The following WBP1L variants were observed in gnomAD, a reference collection of about 807,000 sequenced individuals.
The protein encoded by WBP1L is WW domain binding protein 1 like, also known as WW domain binding protein 1-like.
Under a neutral mutation model 33.7 loss-of-function variants are expected in WBP1L, and 17 were observed. The observed-to-expected ratio is 0.50, with a 90% CI of 0.34 to 0.76. WBP1L has a LOEUF of 0.76. Ranked by LOEUF, WBP1L falls within the 30% of genes least tolerant of loss-of-function variation. The pLI is 0.01. For synonymous variants in WBP1L, 173 were observed against 190.8 expected, an observed-to-expected ratio of 0.91 and a Z score of 0.77; for missense variants, 389 against 469.4, an observed-to-expected ratio of 0.83 and a Z score of 1.58.
intron 1 of WBP1L, among the ~76,000 whole-genome samples, chr10:102,759,506 T>C (rs186650711): frequency 6.6e-6 from 1 of 152,356 alleles, no homozygotes; most frequent in African/African-American, 2.4e-5. Flanking sequence ...TCTCTTGCCT[T>C]GGCACCTGGG....
At chr10:102,812,465 G>C (rs1165400521) in intron 3 of WBP1L, 130 bp from the exon 4 acceptor site, 6 of 1,125,476 alleles carry the variant, frequency 5.3e-6, no homozygotes, top group Non-Finnish European at 7.4e-6. Flanking sequence ...TCACAACCAA[G>C]AGCTGTAGCC....
intron 1 of WBP1L, among the ~76,000 whole-genome samples, chr10:102,759,603 C>T (rs1418709329): frequency 6.6e-6 from 1 of 152,072 alleles, no homozygotes; most frequent in African/African-American, 2.4e-5. Flanking sequence ...GAGCTGTTTC[C>T]AGTTTGGGAC....
At chr10:102,808,261 C>T (rs2790914) in intron 2 of WBP1L, among the ~76,000 whole-genome samples, 38,119 of 152,022 alleles carry the variant, frequency 0.25, 4,929 homozygotes, top group Admixed American at 0.29. Flanking sequence ...ATTTCTTATT[C>T]TGTCATTTAA....
In WBP1L at chr10:102,776,454, G is replaced by A. The variant is rs200864766; in HGVS notation, c.91-21539G>A. 29 of 1,613,820 alleles carry A rather than the reference G, an allele frequency of 1.8e-5. No homozygotes were observed. The African/African-American group carries it at 3.7e-4, about 21-fold the overall frequency. ...TGCACGGATCGGGTTTGGAAGGGAA[G>A]AAGGGGTGGGAGCTTGTTTATTGTA... On this transcript the variant is annotated intron_variant, in intron 1 of 3. Transcript: ENST00000448841.
In WBP1L at chr10:102,814,876, CA is replaced by C. The variant is rs1220689691; in HGVS notation, c.*1548del. 3.3e-5 allele frequency: 5 copies of C among 152,558 alleles called. No homozygotes were observed. Among genetic ancestry groups the C allele is most frequent in the African/African-American group, 1.2e-4 (5 of 41,506 alleles). 9.5% of individuals were successfully genotyped at this position (152,558 alleles called of 1,614,324 possible). Reference sequence around the variant, plus strand: ...TGATGTTATGGAAGAAAGAAAGAAACAAACAAAATATATATATATATGTCCA... The same window carrying C: ...TGATGTTATGGAAGAAAGAAAGAAACAACAAAATATATATATATATGTCCA... On this transcript the variant is annotated 3_prime_UTR_variant, in exon 4 of 4. Transcript: ENST00000448841.
chr10:102,795,369 C>T (rs772530993), intron 1 of WBP1L, among the ~76,000 whole-genome samples: 4 of 152,160 alleles, frequency 2.6e-5, no homozygotes, highest in Admixed American at 6.5e-5. Context: ...GAGAAACTTC[C>T]GTACTGTGTT....
chr10:102,751,897 G>T (rs140931470), intron 1 of WBP1L, among the ~76,000 whole-genome samples: 144 of 152,236 alleles, frequency 9.5e-4, no homozygotes, highest in Non-Finnish European at 9.7e-4. Flanking sequence ...AAAGCTCTTG[G>T]AATATATTCA....
rs1325671026 is a variant in WBP1L at position 102,814,279 on chromosome 10, G to GCTCTCTGC, written c.*958_*965dup. The GCTCTCTGC allele has an allele frequency of 1.1e-4, 17 of 152,504 alleles. No homozygotes were observed. Among genetic ancestry groups the GCTCTCTGC allele is most frequent in the African/African-American group, 4.1e-4 (17 of 41,552 alleles). The allele number at this position is 152,504 out of a possible 1,614,324, so 9.4% of individuals were successfully genotyped here. ...AGCCGCAGCAGTGGATAGAGGTGCA[G>GCTCTCTGC]CTCTCTGCCTCTCTGCCCTTTGGTC... On this transcript the variant is annotated 3_prime_UTR_variant, in exon 4 of 4. Coordinates refer to ENST00000448841, the MANE Select transcript of WBP1L (RefSeq NM_001083913.2).
intron 1 of WBP1L, among the ~76,000 whole-genome samples, chr10:102,765,092 C>T (rs761379880): frequency 3.3e-5 from 5 of 152,182 alleles, no homozygotes; most frequent in African/African-American, 7.2e-5. Context: ...ATGAGACACA[C>T]GGAGGCTTTG....
At chr10:102,811,919 G>A (rs912168688) in intron 3 of WBP1L, among the ~76,000 whole-genome samples, 2 of 152,172 alleles carry the variant, frequency 1.3e-5, no homozygotes, top group Admixed American at 1.3e-4. Context: ...AATTATCTGT[G>A]TCATAAGGCA....
chr10:102,754,922 C>T (rs1842958053), intron 1 of WBP1L, among the ~76,000 whole-genome samples: 1 of 151,320 alleles, frequency 6.6e-6, no homozygotes, highest in African/African-American at 2.4e-5. Context: ...GAGATGGAAT[C>T]TTGGTCTGTC....
At chr10:102,784,265 A>G (rs1843378390) in intron 1 of WBP1L, among the ~76,000 whole-genome samples, 1 of 152,140 alleles carries the variant, frequency 6.6e-6, no homozygotes, top group Non-Finnish European at 1.5e-5. Context: ...GCAGCAGCCC[A>G]TATTTCAAGC....
intron 1 of WBP1L, among the ~76,000 whole-genome samples, chr10:102,784,179 A>G (rs912640046): frequency 2.6e-5 from 4 of 152,156 alleles, no homozygotes; most frequent in African/African-American, 9.7e-5. Context: ...ACTACCCCCC[A>G]GGAGGAGAGG....
At chr10:102,766,457 A>AG (rs1361565238) in intron 1 of WBP1L, among the ~76,000 whole-genome samples, 1 of 150,230 alleles carries the variant, frequency 6.7e-6, no homozygotes, top group Non-Finnish European at 1.5e-5. Context: ...AAAAAAAAAA[A>AG]AAAAAGGAAA....
intron 1 of WBP1L, among the ~76,000 whole-genome samples, chr10:102,788,955 T>C (rs1297356924): frequency 6.6e-6 from 1 of 152,176 alleles, no homozygotes; most frequent in Non-Finnish European, 1.5e-5. Context: ...TATTTTATTT[T>C]ATTTTATTAT....
intron 2 of WBP1L, among the ~76,000 whole-genome samples, chr10:102,803,550 T>C (rs534968894): frequency 5.9e-5 from 9 of 152,024 alleles, no homozygotes; most frequent in Non-Finnish European, 1.0e-4. Flanking sequence ...AGGTGTGTGT[T>C]TGTTGGGGAA....
intron 2 of WBP1L, among the ~76,000 whole-genome samples, chr10:102,806,155 G>T (rs2134065250): frequency 6.6e-6 from 1 of 152,000 alleles, no homozygotes; most frequent in Non-Finnish European, 1.5e-5. Context: ...GGAGGTTGCA[G>T]TGAGCTGAGT....
At chr10:102,785,467 G>A (rs529999025) in intron 1 of WBP1L, among the ~76,000 whole-genome samples, 9 of 150,008 alleles carry the variant, frequency 6.0e-5, no homozygotes, top group Admixed American at 2.6e-4. Context: ...GATTACAGGC[G>A]TGAGCCACTG....
At position 102,749,945 on chromosome 10, in the gene WBP1L, T is replaced by G. The variant is rs528471401; in HGVS notation, c.90+5802T>G. Among the ~76,000 whole-genome samples the G allele has an allele frequency of 1.1e-4, 16 of 151,520 alleles. No individual in the cohort carries two copies. In the South Asian group the frequency reaches 3.3e-3, roughly 32 times the overall value. On this transcript the variant is annotated intron_variant, in intron 1 of 3. Transcript: ENST00000448841. ...AGCACTGCCACCATGCCTGGGTAATTTTTTTTGTATTTTTTTTGTAGATAC... is the reference window on the plus strand; with the variant it reads ...AGCACTGCCACCATGCCTGGGTAATGTTTTTTGTATTTTTTTTGTAGATAC...
Sources: allele counts gnomAD v4.1 joint callset (sites outside exome capture counted in the v4.1 genomes callset), GRCh38; gene constraint gnomAD v4.1.1; transcripts MANE v1.5; gene names NCBI Gene and HGNC (gene_info 2026-07-23, HGNC 2026-07-21).